Variants in MED23 observed in about 807,000 individuals in gnomAD.
The protein encoded by MED23 is mediator of RNA polymerase II transcription subunit 23.
A neutral mutation model predicts 163.9 loss-of-function variants in MED23; 105 were observed. The observed-to-expected ratio is 0.64, with a 90% CI of 0.55 to 0.75. The LOEUF is 0.75. Among genes scored for constraint, MED23 ranks in the 30% least tolerant of loss-of-function variants. The pLI is 0.00. For missense variants in MED23, 1,054 were observed against 1,649.0 expected (o/e 0.64, Z 6.25); for synonymous variants, 561 against 565.6 (o/e 0.99, Z 0.12).
At position 131,589,805 on chromosome 6, in the gene MED23, A is replaced by T. The variant is rs549904375; in HGVS notation, c.3808-209T>A. Among the ~76,000 whole-genome samples the T allele has an allele frequency of 2.6e-5, 4 of 152,326 alleles. No individual in the cohort carries two copies. In the East Asian group the frequency reaches 7.7e-4, roughly 29 times the overall value. ...ATAGTGCTACAAAATGCCCCTGACA[A>T]GGCTTAAATAAAATTTCTCTTCATA... On this transcript the variant is annotated intron_variant, in intron 27 of 28. Transcript: ENST00000368068.
intron 8 of MED23, among the ~76,000 whole-genome samples, chr6:131,619,074 C>T (rs1776898586): frequency 6.6e-6 from 1 of 152,310 alleles, no homozygotes; most frequent in African/African-American, 2.4e-5. Flanking sequence ...ACAAGCACCT[C>T]AAGCTTAACA....
In MED23 at chr6:131,603,279, T is replaced by C. The variant is rs1775616555; in HGVS notation, c.1757-75A>G. ...AAAAGATATTTGAAGAAAGTCACATTGAGTAAAATATAAAGATTTGATTGT... is the reference window on the plus strand; with the variant it reads ...AAAAGATATTTGAAGAAAGTCACATCGAGTAAAATATAAAGATTTGATTGT... On this transcript the variant is annotated intron_variant, in intron 15 of 28. Coordinates refer to ENST00000368068, the MANE Select transcript of MED23 (RefSeq NM_004830.4). The C allele has an allele frequency of 5.8e-6, 8 of 1,372,236 alleles. No individual in the cohort carries two copies. In the Admixed American group the frequency reaches 1.3e-4, roughly 23 times the overall value. 85.0% of individuals were successfully genotyped at this position (1,372,236 alleles called of 1,614,324 possible).
At chr6:131,574,994 A>T (rs1362459190) in intron 30 of MED23, among the ~76,000 whole-genome samples, 1 of 152,174 alleles carries the variant, frequency 6.6e-6, no homozygotes, top group Non-Finnish European at 1.5e-5. Flanking sequence ...GCGACCTTAT[A>T]CTTGTGGCCA....
rs928879203 is a variant in MED23 at position 131,593,039 on chromosome 6, A to C, written c.3365T>G (p.Val1122Gly). 2.5e-6 allele frequency: 4 copies of C among 1,614,232 alleles called. No individual in the cohort carries two copies. The highest frequency in any genetic ancestry group is 3.3e-5 in the Admixed American group (2 of 60,030). ...GACAACATTTAGAAGGGCATTCCCA[A>C]CTTCTTTGCCTGAAACTGCCAAGGC... Reference protein sequence around the residue: ...LMALAVSGKEVGNALLNVVLK... With the variant: ...LMALAVSGKEGGNALLNVVLK... Residue 1122 changes from valine (V) to glycine (G), a missense_variant, in exon 24 of 29, where the codon GTT becomes GGT. By Grantham distance (109) the Val-to-Gly change is moderately radical. Transcript: ENST00000368068.
chr6:131,574,706 A>G (rs2114511976), intron 30 of MED23, among the ~76,000 whole-genome samples: 1 of 152,298 alleles, frequency 6.6e-6, no homozygotes, highest in African/African-American at 2.4e-5. Context: ...ACAAATAAGC[A>G]AAAGGAAAGG....
chr6:131,596,148 A>T lies in MED23; in HGVS notation c.2794T>A (p.Leu932Met), dbSNP rs762908619. ...MNYHKKYPEK[L>M]YFEGLAEQVD... The stretch of plus-strand genomic sequence containing the variant: ...TGTTCCGCGAGGCCCTCAAAATACA[A>T]CTTCTCTGGATATTTCTGTGGAATT... Residue 932 changes from leucine to methionine, a missense_variant, in exon 22 of 29, where the codon TTG becomes ATG. Physicochemically the swap from Leu to Met is conservative, Grantham distance 15. This residue lies in a region of MED23 where 228 missense variants were observed against 461.3 expected (regional missense o/e 0.49). Transcript: ENST00000368068. 3 of 1,613,908 alleles carry T rather than the reference A, an allele frequency of 1.9e-6. No homozygotes were observed. Among genetic ancestry groups the T allele is most frequent in the Non-Finnish European group, 1.7e-6 (2 of 1,179,840 alleles).
At chr6:131,584,563 A>G (rs559470967), downstream of MED23, among the ~76,000 whole-genome samples, 1 of 152,254 alleles carries the variant, frequency 6.6e-6, no homozygotes, top group African/African-American at 2.4e-5. Flanking sequence ...ATGGGTAATA[A>G]TAGGTTTGGG....
At chr6:131,613,737 C>T (rs1198821510) in intron 10 of MED23, among the ~76,000 whole-genome samples, 1 of 152,150 alleles carries the variant, frequency 6.6e-6, no homozygotes, top group Non-Finnish European at 1.5e-5. Context: ...AATGTTCTGT[C>T]AGCATTTCCA....
intron 20 of MED23, among the ~76,000 whole-genome samples, chr6:131,597,475 C>CAAAAAAAAAAAAAAAAAAAAAAA (rs59083644): frequency 1.9e-5 from 1 of 53,754 alleles, no homozygotes. Context: ...GACTCCATAT[C>CAAAAAAAAAAAAAAAAAAAAAAA]AAAAAAAAAA....
At chr6:131,594,042 C>A in intron 23 of MED23, 57 bp downstream of exon 23, 2 of 1,410,638 alleles carry the variant, frequency 1.4e-6, no homozygotes, top group African/African-American at 1.4e-5. Flanking sequence ...AAAATATATT[C>A]TCATAAATCA....
Position 131,606,466 on chromosome 6 carries a change from A to T in MED23, c.1367+13T>A. ...AAACAAGAAAATTAAGTATCAAGCAACAAATAACTTACTCATGGTGAAGTC... is the reference window on the plus strand; with the variant it reads ...AAACAAGAAAATTAAGTATCAAGCATCAAATAACTTACTCATGGTGAAGTC... On this transcript the variant is annotated intron_variant, in intron 13 of 28. Coordinates refer to ENST00000368068, the MANE Select transcript of MED23 (RefSeq NM_004830.4). 4.3e-6 allele frequency: 7 copies of T among 1,611,656 alleles called. No individual in the cohort carries two copies. Among genetic ancestry groups the T allele is most frequent in the Non-Finnish European group, 5.9e-6 (7 of 1,178,134 alleles).
intron 30 of MED23, among the ~76,000 whole-genome samples, chr6:131,580,611 A>G (rs1275154426): frequency 1.3e-5 from 2 of 152,144 alleles, no homozygotes; most frequent in Non-Finnish European, 2.9e-5. Context: ...AAATGTCTGG[A>G]GCTTGAAGTA....
intron 24 of MED23, 119 bp from the exon 25 acceptor site, chr6:131,592,579 A>G: frequency 1.2e-6 from 1 of 858,814 alleles, no homozygotes; most frequent in South Asian, 1.5e-5. Flanking sequence ...AATCCATTTC[A>G]ATAAAACAAT....
At chr6:131,594,056 T>C in intron 23 of MED23, 43 bp downstream of exon 23, 2 of 1,457,308 alleles carry the variant, frequency 1.4e-6, no homozygotes, top group African/African-American at 1.4e-5. Flanking sequence ...TAAATCAAAA[T>C]ACTGTTATTT....
rs1774211679 is a variant in MED23, at chr6:131,586,827, T to C, written c.*852A>G. 6.6e-7 allele frequency: 1 copy of C among 1,518,604 alleles called. No homozygotes were observed. Among genetic ancestry groups the C allele is most frequent in the Non-Finnish European group, 8.9e-7 (1 of 1,124,564 alleles). 94.1% of individuals were successfully genotyped at this position (1,518,604 alleles called of 1,614,324 possible). The stretch of plus-strand genomic sequence containing the variant: ...CAATTCCCCCAAAATTAACAATGTC[T>C]CTCAAAATCCAAGAAATAAAATGTG... On this transcript the variant is annotated 3_prime_UTR_variant, in exon 29 of 29. Transcript: ENST00000368068.
downstream of MED23, chr6:131,583,292 T>A: frequency 1.2e-6 from 2 of 1,610,864 alleles, no homozygotes; most frequent in Non-Finnish European, 1.7e-6. Flanking sequence ...AGTTAACAGA[T>A]TATTATCTAT....
chr6:131,597,475 C>CAAAAAAAAAAAAAA (rs59083644), intron 20 of MED23, among the ~76,000 whole-genome samples: 3 of 53,748 alleles, frequency 5.6e-5, no homozygotes, highest in Non-Finnish European at 7.7e-5. Flanking sequence ...GACTCCATAT[C>CAAAAAAAAAAAAAA]AAAAAAAAAA....
intron 10 of MED23, among the ~76,000 whole-genome samples, chr6:131,610,958 A>C (rs972489488): frequency 2.6e-5 from 4 of 152,192 alleles, no homozygotes; most frequent in African/African-American, 9.7e-5. Flanking sequence ...AAACACTAAA[A>C]ATGAGAATGC....
intron 3 of MED23, chr6:131,627,193 A>T: frequency 3.4e-6 from 2 of 595,990 alleles, no homozygotes; most frequent in South Asian, 4.3e-5. Context: ...TGCAGTATCA[A>T]CTTGACTTCT....
Sources: allele counts gnomAD v4.1 joint callset (sites outside exome capture counted in the v4.1 genomes callset), GRCh38; gene constraint gnomAD v4.1.1; regional missense constraint gnomAD v4.1.1; transcripts MANE v1.5; gene names NCBI Gene and HGNC (gene_info 2026-07-23, HGNC 2026-07-21).